ACSL5: variants seen among roughly 807,000 people sequenced by gnomAD.
ACSL5 encodes long-chain-fatty-acid--CoA ligase 5.
In ACSL5, 50 loss-of-function variants were observed where a neutral mutation model predicts 84.9. That is an observed-to-expected ratio of 0.59 (90% CI 0.47 to 0.75). The LOEUF (loss-of-function observed/expected upper bound fraction) is 0.75. Ranked by LOEUF, ACSL5 falls within the 30% of genes least tolerant of loss-of-function variation. The pLI is 0.00. For missense variants in ACSL5, 775 were observed against 830.4 expected (o/e 0.93, Z 0.82); for synonymous variants, 280 against 300.7 (o/e 0.93, Z 0.71).
chr10:112,395,737 C>G (rs1286106850), intron 2 of ACSL5: 1 of 152,304 alleles, frequency 6.6e-6, no homozygotes, highest in Non-Finnish European at 1.5e-5. Context: ...TTTATCCTTC[C>G]TTCTGCGCCC....
chr10:112,387,012 G>C (rs1398112299), intron 1 of ACSL5, among the ~76,000 whole-genome samples: 1 of 151,880 alleles, frequency 6.6e-6, no homozygotes, highest in Non-Finnish European at 1.5e-5. Context: ...TTTAAATTTT[G>C]TTTTGTTTTT....
At chr10:112,376,167 CACTT>C in intron 1 of ACSL5, 1 of 1,190,422 alleles carries the variant, frequency 8.4e-7, no homozygotes, top group Non-Finnish European at 1.2e-6. Context: ...CTGGTCAGAA[CACTT>C]CCACTTTCAG....
In ACSL5 at chr10:112,413,199, A is replaced by G; in HGVS notation, c.975A>G (p.Arg325=). Reference sequence around the variant, plus strand: ...CTGTTGTGTACAGCTGTGGAGCCAGAGTTGGATTCTTCCAAGGGGATATTC... The same window carrying G: ...CTGTTGTGTACAGCTGTGGAGCCAGGGTTGGATTCTTCCAAGGGGATATTC... ...VQAVVYSCGA[R]VGFFQGDIRL... is the part of the protein sequence containing the mutation. Residue 325 remains arginine, a synonymous_variant, in exon 12 of 21, where the codon AGA becomes AGG. Coordinates refer to ENST00000354655, the MANE Select transcript of ACSL5 (RefSeq NM_203379.2). 1 of 1,614,184 alleles carries G rather than the reference A, an allele frequency of 6.2e-7. No homozygotes were observed. The highest frequency in any genetic ancestry group is 1.1e-5 in the South Asian group (1 of 91,084).
chr10:112,376,759 C>T (rs1484260855), intron 1 of ACSL5, among the ~76,000 whole-genome samples: 2 of 152,024 alleles, frequency 1.3e-5, no homozygotes, highest in Non-Finnish European at 2.9e-5. Context: ...AGCATAGCTC[C>T]CCTGAGGTGG....
chr10:112,391,368 C>A (rs1161327984), intron 1 of ACSL5, among the ~76,000 whole-genome samples: 39 of 146,452 alleles, frequency 2.7e-4, no homozygotes, highest in African/African-American at 2.5e-4. Context: ...GACTGTGCCT[C>A]AAAAAAAAAA....
chr10:112,422,078 G>T (rs1238866223), intron 16 of ACSL5, 43 bp downstream of exon 16: 13 of 1,595,282 alleles, frequency 8.1e-6, no homozygotes, highest in Non-Finnish European at 1.1e-5. Context: ...ATGGTGGGGA[G>T]GTTTATATCA....
At chr10:112,415,678 A>T (rs1406690864) in intron 12 of ACSL5, among the ~76,000 whole-genome samples, 1 of 152,234 alleles carries the variant, frequency 6.6e-6, no homozygotes, top group East Asian at 1.9e-4. Context: ...CTAGAGCACA[A>T]TTTACATTAG....
intron 17 of ACSL5, among the ~76,000 whole-genome samples, chr10:112,422,684 C>T (rs973626155): frequency 6.6e-6 from 1 of 151,774 alleles, no homozygotes; most frequent in African/African-American, 2.4e-5. Flanking sequence ...GGTGAAACTC[C>T]GTCTCTACTA....
chr10:112,424,993 G>C (rs556113831), intron 17 of ACSL5: 1 of 169,732 alleles, frequency 5.9e-6, no homozygotes, highest in South Asian at 1.9e-4. Flanking sequence ...CTCTATTTCT[G>C]AGAGTTCTGA....
At chr10:112,382,556 G>A (rs759336228) in intron 1 of ACSL5, among the ~76,000 whole-genome samples, 37 of 152,194 alleles carry the variant, frequency 2.4e-4, no homozygotes, top group Non-Finnish European at 4.1e-4. Flanking sequence ...CAAACCCGAG[G>A]AAAGGGCTTA....
At chr10:112,409,758 C>T in intron 7 of ACSL5, 73 bp downstream of exon 7, 1 of 1,471,966 alleles carries the variant, frequency 6.8e-7, no homozygotes, top group Non-Finnish European at 9.4e-7. Context: ...GATACCTTCC[C>T]AAGAGGACAG....
intron 9 of ACSL5, 136 bp from the exon 10 acceptor site, chr10:112,411,320 T>C (rs1172229584): frequency 4.3e-6 from 3 of 700,956 alleles, no homozygotes; most frequent in Non-Finnish European, 4.9e-6. Flanking sequence ...GCATATACCA[T>C]CCACAAAAAG....
At chr10:112,374,472 A>G (rs1564727029) in intron 1 of ACSL5, among the ~76,000 whole-genome samples, 1 of 152,068 alleles carries the variant, frequency 6.6e-6, no homozygotes, top group Non-Finnish European at 1.5e-5. Context: ...AGGGGTGGAG[A>G]TATATGAGCT....
chr10:112,393,355 C>T (rs1189476392), intron 1 of ACSL5, among the ~76,000 whole-genome samples: 1 of 152,180 alleles, frequency 6.6e-6, no homozygotes, highest in African/African-American at 2.4e-5. Context: ...GTTTTCTCCT[C>T]TAAAATGGAA....
intron 20 of ACSL5, 146 bp downstream of exon 20, chr10:112,427,005 T>C: frequency 1.2e-6 from 1 of 863,056 alleles, no homozygotes; most frequent in Non-Finnish European, 1.8e-6. Flanking sequence ...TTGTAGTTAC[T>C]TGTACAGCGC....
At chr10:112,405,913 G>A (rs896374158) in intron 5 of ACSL5, among the ~76,000 whole-genome samples, 10 of 152,110 alleles carry the variant, frequency 6.6e-5, no homozygotes, top group African/African-American at 1.9e-4. Context: ...CATTATAAAG[G>A]TCTTCATCTG....
Position 112,416,267 on chromosome 10 carries a change from T to C in ACSL5, c.1084-621T>C, listed in dbSNP as rs555700497. 2.0e-3 allele frequency among the ~76,000 whole-genome samples: 301 copies of C among 152,012 alleles called. 1 individual carries two copies. Among genetic ancestry groups the C allele is most frequent in the African/African-American group, 6.9e-3 (285 of 41,490 alleles). ...CGGGCAGATCACGAGGTCAGGAGAT[T>C]GAGACCATCCTGGCTAACATGGTGA... On this transcript the variant is annotated intron_variant, in intron 12 of 20. Transcript: ENST00000354655.
In ACSL5 at chr10:112,422,407, GGCT is replaced by G; in HGVS notation, c.1560_1562del (p.Trp520_Leu521delinsCys). On this transcript the variant is annotated inframe_deletion, in exon 17 of 21. Transcript: ENST00000354655. ...CAGGAAGCCCTGGACAGTGATGGCT[GGCT>G]TCACACAGGAGACATTGGTCGCTGG... 1 of 1,614,162 alleles carries G rather than the reference GGCT, an allele frequency of 6.2e-7. No homozygotes were observed. The highest frequency in any genetic ancestry group is 8.5e-7 in the Non-Finnish European group (1 of 1,180,020).
intron 1 of ACSL5, chr10:112,376,556 C>G (rs1487108202): frequency 6.7e-7 from 1 of 1,486,624 alleles, no homozygotes; most frequent in African/African-American, 1.4e-5. Flanking sequence ...GACTTAGAAT[C>G]AAGGGCCGGC....
Sources: gnomAD v4.1 joint callset for allele counts (sites outside exome capture counted in the v4.1 genomes callset) on GRCh38, gnomAD v4.1.1 for gene constraint, MANE v1.5 for transcripts, NCBI Gene and HGNC (gene_info 2026-07-23, HGNC 2026-07-21) for gene names.